The following SLC5A4 variants were observed in gnomAD, a reference collection of about 807,000 sequenced individuals.
The protein encoded by SLC5A4 is solute carrier family 5 member 4.
Under a neutral mutation model 70.3 loss-of-function variants are expected in SLC5A4, and 55 were observed. The ratio of observed to expected loss-of-function variants is 0.78; its 90% confidence interval spans 0.63 to 0.98. The LOEUF is 0.98. Among genes scored for constraint, SLC5A4 ranks in the 50% least tolerant of loss-of-function variants. SLC5A4 has a pLI of 0.00. For synonymous variants in SLC5A4, 268 were observed against 305.7 expected (o/e 0.88, Z 1.29); for missense variants, 735 against 839.2 (o/e 0.88, Z 1.53).
intron 13 of SLC5A4, among the ~76,000 whole-genome samples, chr22:32,223,497 C>CA (rs1488540703): frequency 6.6e-6 from 1 of 152,254 alleles, no homozygotes; most frequent in South Asian, 2.1e-4. Flanking sequence ...AATTGAAAGG[C>CA]AAAAATGCAT....
chr22:32,224,328 A>G lies in SLC5A4; in HGVS notation c.1604T>C (p.Phe535Ser), dbSNP rs1925268948. The G allele has an allele frequency of 6.2e-7, 1 of 1,614,056 alleles. No homozygotes were observed. The highest frequency in any genetic ancestry group is 1.7e-5 in the Admixed American group (1 of 60,004). The change falls in exon 13 of 15, where the codon TTT becomes TCT. Residue 535 changes from phenylalanine to serine, a missense_variant. Coordinates refer to ENST00000266086, the MANE Select transcript of SLC5A4 (RefSeq NM_014227.3). ...TCCCAGGGTGACCAGCATGGACCCA[A>G]AAAAGAGAACGATGGAAAAGTACAG... ...HYLYFSIVLF[F>S]GSMLVTLGIS...
the SLC5A4 span, among the ~76,000 whole-genome samples, chr22:32,306,025 C>G: frequency 6.6e-6 from 1 of 152,114 alleles, no homozygotes; most frequent in African/African-American, 2.4e-5. Context: ...ACCCCAGTCC[C>G]TGGTCCTCCA....
the SLC5A4 span, chr22:32,272,113 T>C: frequency 1.5e-6 from 1 of 665,802 alleles, no homozygotes; most frequent in East Asian, 2.7e-5. Context: ...ACGAAGACAG[T>C]GTCGCTGCAG....
chr22:32,342,529 T>C, the SLC5A4 span, among the ~76,000 whole-genome samples: 1 of 152,150 alleles, frequency 6.6e-6, no homozygotes, highest in Non-Finnish European at 1.5e-5. Context: ...ATAATCTTAA[T>C]AAATTAAAAA....
chr22:32,316,952 G>A, the SLC5A4 span, among the ~76,000 whole-genome samples: 30 of 151,912 alleles, frequency 2.0e-4, no homozygotes, highest in Non-Finnish European at 3.2e-4. Flanking sequence ...GTGTGTGTGT[G>A]TGTGTGTGTG....
At chr22:32,317,619 C>T in the SLC5A4 span, among the ~76,000 whole-genome samples, 129 of 152,268 alleles carry the variant, frequency 8.5e-4, 1 homozygote, top group East Asian at 0.024. Flanking sequence ...TGCACCACTA[C>T]ACCCAGCTAA....
the SLC5A4 span, chr22:32,270,470 C>A: frequency 1.1e-6 from 1 of 920,970 alleles, no homozygotes. Context: ...GGGGAGGGCA[C>A]GGAGCAGGAA....
chr22:32,325,260 G>A, the SLC5A4 span, among the ~76,000 whole-genome samples: 1 of 152,366 alleles, frequency 6.6e-6, no homozygotes. Context: ...CTGCCCTCGA[G>A]GGCTCCAAGC....
At chr22:32,281,888 G>C in the SLC5A4 span, among the ~76,000 whole-genome samples, 2 of 152,218 alleles carry the variant, frequency 1.3e-5, no homozygotes, top group African/African-American at 4.8e-5. Context: ...CTGTAGCCCA[G>C]GCTGGAGCGC....
the SLC5A4 span, among the ~76,000 whole-genome samples, chr22:32,280,005 TTTGTTG>T: frequency 6.6e-6 from 1 of 152,258 alleles, no homozygotes; most frequent in African/African-American, 2.4e-5. Context: ...ACTCCAGTTT[TTTGTTG>T]TTGTTGTTTG....
Position 32,251,840 on chromosome 22 carries a change from C to T in SLC5A4, c.242G>A (p.Ser81Asn). Residue 81 changes from serine (S) to asparagine (N), a missense_variant, in exon 3 of 15, where the codon AGC (serine) becomes AAC (asparagine). Transcript: ENST00000266086. ...CCCAGCCAGCCCCACATAGTGGTTG[C>T]TGCCGATGTTACTGGCAAAGAGAGA... ...GASLFASNIG[S>N]NHYVGLAGTG... 2.5e-6 allele frequency: 4 copies of T among 1,614,056 alleles called. No individual in the cohort carries two copies. The highest frequency in any genetic ancestry group is 3.4e-6 in the Non-Finnish European group (4 of 1,179,912).
At chr22:32,250,652 A>C (rs1927085781) in intron 3 of SLC5A4, among the ~76,000 whole-genome samples, 1 of 152,242 alleles carries the variant, frequency 6.6e-6, no homozygotes, top group Admixed American at 6.5e-5. Flanking sequence ...ACACACATGC[A>C]CATGTATGTT....
At chr22:32,273,144 C>T in the SLC5A4 span, 2 of 429,678 alleles carry the variant, frequency 4.7e-6, no homozygotes, top group Non-Finnish European at 9.3e-6. Context: ...CCACACCGCA[C>T]TACCTCCCAC....
chr22:32,328,067 C>T, the SLC5A4 span, among the ~76,000 whole-genome samples: 1 of 149,972 alleles, frequency 6.7e-6, no homozygotes, highest in African/African-American at 2.4e-5. Flanking sequence ...ACGACGTCCC[C>T]AACACACACA....
the SLC5A4 span, among the ~76,000 whole-genome samples, chr22:32,287,080 C>T: frequency 9.9e-5 from 15 of 152,118 alleles, no homozygotes; most frequent in Admixed American, 6.5e-5. Context: ...GGGGGAGTTA[C>T]GGTACAGGGA....
At chr22:32,271,911 C>G in the SLC5A4 span, 34,396 of 576,858 alleles carry the variant, frequency 0.06, 1,739 homozygotes, top group Admixed American at 0.18. Flanking sequence ...GCTGTGGCCA[C>G]CAGCACCAAC....
the SLC5A4 span, among the ~76,000 whole-genome samples, chr22:32,315,235 T>G: frequency 6.6e-6 from 1 of 151,978 alleles, no homozygotes; most frequent in Non-Finnish European, 1.5e-5. Flanking sequence ...GCAGGACTAT[T>G]AAAGCCAATC....
chr22:32,252,881 T>C (rs764819531), intron 2 of SLC5A4, among the ~76,000 whole-genome samples: 2 of 152,184 alleles, frequency 1.3e-5, no homozygotes, highest in African/African-American at 2.4e-5. Context: ...TGGACGTAGA[T>C]GAGCACCAGT....
At chr22:32,339,065 G>A in the SLC5A4 span, among the ~76,000 whole-genome samples, 136 of 152,174 alleles carry the variant, frequency 8.9e-4, no homozygotes, top group Middle Eastern at 0.02. Flanking sequence ...CGCTGAAATG[G>A]TATTTAGAAA....
Sources: allele counts gnomAD v4.1 joint callset (sites outside exome capture counted in the v4.1 genomes callset), GRCh38; gene constraint gnomAD v4.1.1; transcripts MANE v1.5; gene names NCBI Gene and HGNC (gene_info 2026-07-23, HGNC 2026-07-21).